The following C14orf39 variants were observed in gnomAD, a reference collection of about 807,000 sequenced individuals.
The protein encoded by C14orf39 is protein SIX6OS1.
C14orf39 carries 66 observed loss-of-function variants against 85.6 expected under a neutral mutation model. The observed-to-expected ratio is 0.77, with a 90% CI of 0.63 to 0.95. C14orf39 has a LOEUF of 0.95. Ranked by LOEUF, C14orf39 falls within the 40% of genes least tolerant of loss-of-function variation. The probability of loss-of-function intolerance (pLI) is 0.00; values close to 1 mark genes in which losing one functional copy is unlikely to be tolerated. For missense variants in C14orf39, 735 were observed against 663.9 expected (o/e 1.11, Z -1.18); for synonymous variants, 242 against 214.0 (o/e 1.13, Z -1.14).
At chr14:60,500,602 A>G (rs988560964) in intron 1 of C14orf39, among the ~76,000 whole-genome samples, 2 of 152,240 alleles carry the variant, frequency 1.3e-5, no homozygotes, top group Non-Finnish European at 2.9e-5. Flanking sequence ...CTTCAAAATG[A>G]TAACATATTT....
chr14:60,471,378 T>A, intron 7 of C14orf39, 39 bp downstream of exon 7: 2 of 1,394,674 alleles, frequency 1.4e-6, no homozygotes, highest in Non-Finnish European at 2.0e-6. Flanking sequence ...ATAATGCTTA[T>A]CTAATAAAAA....
Position 60,471,637 on chromosome 14 carries a change from T to C in C14orf39, c.426A>G (p.Lys142=). The C allele has an allele frequency of 1.9e-5, 31 of 1,611,260 alleles. No individual in the cohort carries two copies. The highest frequency in any genetic ancestry group is 2.6e-5 in the Non-Finnish European group (31 of 1,178,366). ...TGCTTTGAATTTCTTCATGTTCTCTTTTCTTCTCATAATATTCACGTGAAA... is the reference window on the plus strand; with the variant it reads ...TGCTTTGAATTTCTTCATGTTCTCTCTTCTTCTCATAATATTCACGTGAAA... ...TPFSREYYEK[K]REHEEIQSRV... The change falls in exon 6 of 18, where the codon AAA becomes AAG. Residue 142 remains lysine, a synonymous_variant. Coordinates refer to ENST00000321731, the MANE Select transcript of C14orf39 (RefSeq NM_174978.3).
At position 60,511,090 on chromosome 14, in the gene C14orf39, G is replaced by C. The variant is rs745496406; in HGVS notation, c.-144+4305C>G. ...TTCCCTTTCTTCCCCGTAGACTCCAGCAGCAGGTCCTGTCACAGGGTTCCG... is the reference window on the plus strand; with the variant it reads ...TTCCCTTTCTTCCCCGTAGACTCCACCAGCAGGTCCTGTCACAGGGTTCCG... On this transcript the variant is annotated intron_variant, in intron 1 of 5. Transcript: ENST00000556799. 1.2e-6 allele frequency: 2 copies of C among 1,612,782 alleles called. No individual in the cohort carries two copies. The highest frequency in any genetic ancestry group is 1.7e-6 in the Non-Finnish European group (2 of 1,179,818).
chr14:60,466,761 T>G (rs1891807631), intron 10 of C14orf39, among the ~76,000 whole-genome samples, 156 bp downstream of exon 10: 1 of 151,894 alleles, frequency 6.6e-6, no homozygotes, highest in African/African-American at 2.4e-5. Context: ...ATATTTTGTT[T>G]GCTCTCAGAA....
intron 1 of C14orf39, chr14:60,509,336 G>C: frequency 7.1e-7 from 1 of 1,407,212 alleles, no homozygotes; most frequent in Non-Finnish European, 9.9e-7. Context: ...AGCCAGGCCC[G>C]CGGGCATCTG....
upstream of C14orf39, among the ~76,000 whole-genome samples, chr14:60,489,813 G>A (rs1392158697): frequency 6.6e-6 from 1 of 152,142 alleles, no homozygotes; most frequent in Non-Finnish European, 1.5e-5. Context: ...GGTTTTATGA[G>A]TCAACATCAT....
chr14:60,492,538 C>A (rs947057946), intron 2 of C14orf39, among the ~76,000 whole-genome samples: 2 of 151,884 alleles, frequency 1.3e-5, no homozygotes, highest in Admixed American at 1.3e-4. Context: ...CTTTGGGAGG[C>A]CAACACAAGT....
intron 5 of C14orf39, among the ~76,000 whole-genome samples, chr14:60,472,475 T>C (rs1261283176): frequency 1.3e-5 from 2 of 152,184 alleles, no homozygotes; most frequent in African/African-American, 4.8e-5. Context: ...TATGTATACA[T>C]GTGCCATGTT....
upstream of C14orf39, among the ~76,000 whole-genome samples, chr14:60,489,760 A>T (rs1464890914): frequency 6.6e-6 from 1 of 152,198 alleles, no homozygotes; most frequent in Non-Finnish European, 1.5e-5. Context: ...GGTCAAGTCT[A>T]TACCAGAAAA....
intron 1 of C14orf39, among the ~76,000 whole-genome samples, chr14:60,505,054 C>A (rs1203328007): frequency 6.6e-6 from 1 of 152,196 alleles, no homozygotes; most frequent in Non-Finnish European, 1.5e-5. Context: ...ATATACTAAT[C>A]TCTTAAAATT....
At chr14:60,469,850 T>C (rs1179164303) in intron 7 of C14orf39, among the ~76,000 whole-genome samples, 197 bp from the exon 8 acceptor site, 1 of 151,268 alleles carries the variant, frequency 6.6e-6, no homozygotes, top group Non-Finnish European at 1.5e-5. Flanking sequence ...TTATTGTTTA[T>C]GTTATATACT....
chr14:60,456,913 C>A lies in C14orf39; in HGVS notation c.1358+4G>T. 1.3e-6 allele frequency: 2 copies of A among 1,553,902 alleles called. No homozygotes were observed. Among genetic ancestry groups the A allele is most frequent in the African/African-American group, 1.4e-5 (1 of 71,372 alleles). On this transcript the variant is annotated splice_donor_region_variant and intron_variant, in intron 15 of 17. Coordinates refer to ENST00000321731, the MANE Select transcript of C14orf39 (RefSeq NM_174978.3). ...TTAACAATAGTTATTAATTAAAATC[C>A]TACATTTCGAACGGGGGGGTTTTAG...
chr14:60,511,386 G>A (rs1214439294), intron 1 of C14orf39: 2 of 1,137,282 alleles, frequency 1.8e-6, no homozygotes, highest in African/African-American at 1.5e-5. Context: ...CGCGGGCTCG[G>A]GTTGCCGTTT....
rs1892993447 is a variant in C14orf39, at chr14:60,491,812, C to CTT, written c.-8-6728_-8-6727dup. Among the ~76,000 whole-genome samples, 1 of 151,980 alleles carries CTT rather than the reference C, an allele frequency of 6.6e-6. No individual in the cohort carries two copies. The highest frequency in any genetic ancestry group is 2.4e-5 in the African/African-American group (1 of 41,280). Reference sequence around the variant, plus strand: ...TCTTAAATGTAAATATTCTCTCTCTCTTTTTCTCTCTCTCTCTCTCTCTCA... The same window carrying CTT: ...TCTTAAATGTAAATATTCTCTCTCTCTTTTTTTCTCTCTCTCTCTCTCTCTCA... On this transcript the variant is annotated intron_variant, in intron 2 of 5. Coordinates refer to the C14orf39 transcript ENST00000556799. This position sits in a 1 kb window ranked among gnomAD's most constrained non-coding sequence, Gnocchi z 4.5.
At chr14:60,511,185 G>GTC (rs1301090219) in intron 1 of C14orf39, 1 of 1,613,064 alleles carries the variant, frequency 6.2e-7, no homozygotes, top group African/African-American at 1.3e-5. Flanking sequence ...CCGGCCGCCA[G>GTC]TCTATCCAGC....
chr14:60,446,230 C>A (rs1385291249), intron 16 of C14orf39, among the ~76,000 whole-genome samples: 7 of 151,914 alleles, frequency 4.6e-5, no homozygotes. Context: ...AACTGAAGAG[C>A]TAGAGACACA....
intron 1 of C14orf39, chr14:60,511,385 G>C (rs1487632494): frequency 1.7e-6 from 2 of 1,142,942 alleles, no homozygotes; most frequent in African/African-American, 3.1e-5. Flanking sequence ...CCGCGGGCTC[G>C]GGTTGCCGTT....
At position 60,448,149 on chromosome 14, in the gene C14orf39, C is replaced by G. The variant is rs562893065; in HGVS notation, c.1504-6018G>C. 5.3e-5 allele frequency among the ~76,000 whole-genome samples: 8 copies of G among 152,092 alleles called. No individual in the cohort carries two copies. In the South Asian group the frequency reaches 1.7e-3, roughly 32 times the overall value. ...CAGGCATGGCCGAGGACTTCATGAC[C>G]AAAACACCAAAAGCAATGGCAACAA... On this transcript the variant is annotated intron_variant, in intron 16 of 17. Transcript: ENST00000321731.
chr14:60,491,459 C>CT lies in C14orf39; in HGVS notation c.-8-6374_-8-6373insA, dbSNP rs1892987221. Among the ~76,000 whole-genome samples, 1 of 152,192 alleles carries CT rather than the reference C, an allele frequency of 6.6e-6. No homozygotes were observed. The highest frequency in any genetic ancestry group is 1.5e-5 in the Non-Finnish European group (1 of 68,032). ...TGGAGGGACACAAACATTCAAACCA[C>CT]AGCACAAGCTCAAACACAGCTCATG... is the stretch of plus-strand genomic sequence containing the variant. On this transcript the variant is annotated intron_variant, in intron 2 of 5. Coordinates refer to the C14orf39 transcript ENST00000556799. This position sits in a 1 kb window ranked among gnomAD's most constrained non-coding sequence, Gnocchi z 4.5.
Sources: gnomAD v4.1 joint callset for allele counts (sites outside exome capture counted in the v4.1 genomes callset) on GRCh38, gnomAD v4.1.1 for gene constraint, Gnocchi (gnomAD v3.1) non-coding constraint, MANE v1.5 for transcripts, NCBI Gene and HGNC (gene_info 2026-07-23, HGNC 2026-07-21) for gene names.